TWIST2: variants seen among roughly 807,000 people sequenced by gnomAD.
The protein encoded by TWIST2 is twist family bHLH transcription factor 2.
Under a neutral mutation model 11.6 loss-of-function variants are expected in TWIST2, and 1 was observed. The observed-to-expected ratio is 0.09, with a 90% CI of 0.03 to 0.41. The LOEUF (loss-of-function observed/expected upper bound fraction) is 0.41, where lower values mean the gene tolerates loss of function less well. Among genes scored for constraint, TWIST2 ranks in the 10% least tolerant of loss-of-function variants. TWIST2 has a pLI of 0.98. For missense variants in TWIST2, 168 were observed against 226.4 expected, an observed-to-expected ratio of 0.74 and a Z score of 1.66; for synonymous variants, 87 against 96.6, an observed-to-expected ratio of 0.90 and a Z score of 0.58.
intron 1 of TWIST2, among the ~76,000 whole-genome samples, chr2:238,852,207 T>C (rs1442414291): frequency 6.6e-6 from 1 of 152,226 alleles, no homozygotes; most frequent in East Asian, 1.9e-4. Flanking sequence ...CTCATAACTT[T>C]AGTTTAAATC....
At chr2:238,904,544 C>G in intron 1 of TWIST2, among the ~76,000 whole-genome samples, 1 of 151,912 alleles carries the variant, frequency 6.6e-6, no homozygotes, top group Non-Finnish European at 1.5e-5. Flanking sequence ...CCCTTCTTCC[C>G]TGCCATGCTG....
rs569053701 is a variant in TWIST2 at position 238,867,158 on chromosome 2, G to A, written c.*35+18425G>A. 6.6e-6 allele frequency among the ~76,000 whole-genome samples: 1 copy of A among 152,206 alleles called. No homozygotes were observed. Among genetic ancestry groups the A allele is most frequent in the East Asian group, 1.9e-4 (1 of 5,162 alleles). On this transcript the variant is annotated intron_variant, in intron 1 of 1. Coordinates refer to ENST00000612363, the MANE Select transcript of TWIST2 (RefSeq NM_001271893.4). The surrounding 1 kb of genome is among the most constrained non-coding windows in gnomAD (Gnocchi z 4.8). ...TTTTCCGTCCTCGAAGCCAGCAGCT[G>A]GAGGGAAGGAGGCTGGCTGTAACAT...
chr2:238,892,764 AGCC>A (rs1218525466), intron 1 of TWIST2, among the ~76,000 whole-genome samples: 1 of 152,176 alleles, frequency 6.6e-6, no homozygotes, highest in Non-Finnish European at 1.5e-5. Flanking sequence ...TACAGGTGTG[AGCC>A]GCCGCAACCG....
At chr2:238,895,306 G>A (rs1278716128) in intron 1 of TWIST2, among the ~76,000 whole-genome samples, 3 of 152,260 alleles carry the variant, frequency 2.0e-5, no homozygotes, top group Non-Finnish European at 2.9e-5. Flanking sequence ...GACTTGGGAT[G>A]TCAGGCCCTT....
chr2:238,896,877 G>T (rs1182301028), intron 1 of TWIST2, among the ~76,000 whole-genome samples: 5 of 152,190 alleles, frequency 3.3e-5, no homozygotes, highest in Admixed American at 3.3e-4. Flanking sequence ...TCCACCCGGA[G>T]CCCACAGACA....
chr2:238,907,477 C>G (rs1368295389), intron 1 of TWIST2, among the ~76,000 whole-genome samples: 1 of 152,138 alleles, frequency 6.6e-6, no homozygotes, highest in African/African-American at 2.4e-5. Flanking sequence ...CGGGTTCTTT[C>G]CCCAAGGCGC....
chr2:238,898,064 G>A (rs1057321804), intron 1 of TWIST2, among the ~76,000 whole-genome samples: 12 of 152,214 alleles, frequency 7.9e-5, no homozygotes, highest in Non-Finnish European at 1.3e-4. Flanking sequence ...GCCTGAGACT[G>A]TCTCAAGAGG....
At chr2:238,908,016 C>T (rs1693384959) in intron 1 of TWIST2, among the ~76,000 whole-genome samples, 1 of 150,636 alleles carries the variant, frequency 6.6e-6, no homozygotes, top group African/African-American at 2.4e-5. Context: ...TACACAAACA[C>T]ATACCACACA....
At position 238,863,592 on chromosome 2, in the gene TWIST2, C is replaced by A. The variant is rs1052677242; in HGVS notation, c.*35+14859C>A. ...AGTGTTAGCATCCTCATTTCTTCTG[C>A]CTTTTTTTCACTCCTCTCTACGTAG... On this transcript the variant is annotated intron_variant, in intron 1 of 1. Transcript: ENST00000612363. The surrounding 1 kb of genome is among the most constrained non-coding windows in gnomAD (Gnocchi z 4.7). Among the ~76,000 whole-genome samples, 3 of 152,106 alleles carry A rather than the reference C, an allele frequency of 2.0e-5. No individual in the cohort carries two copies. The highest frequency in any genetic ancestry group is 6.5e-5 in the Admixed American group (1 of 15,274).
In TWIST2 at chr2:238,866,648, C is replaced by T. The variant is rs1157378815; in HGVS notation, c.*35+17915C>T. Among the ~76,000 whole-genome samples, 11 of 152,134 alleles carry T rather than the reference C, an allele frequency of 7.2e-5. No individual in the cohort carries two copies. The East Asian group carries it at 1.9e-3, about 27-fold the overall frequency. ...CTCCAGCCTGGGTGACAGAGCGAGACTCCACCATGGAAAAAAAAAAGAAAA... is the reference window on the plus strand; with the variant it reads ...CTCCAGCCTGGGTGACAGAGCGAGATTCCACCATGGAAAAAAAAAAGAAAA... On this transcript the variant is annotated intron_variant, in intron 1 of 1. Transcript: ENST00000612363. The surrounding 1 kb of genome is among the most constrained non-coding windows in gnomAD (Gnocchi z 4.9).
chr2:238,877,604 A>C (rs1051139876), intron 1 of TWIST2, among the ~76,000 whole-genome samples: 96 of 152,284 alleles, frequency 6.3e-4, no homozygotes, highest in African/African-American at 2.3e-3. Flanking sequence ...TGCTTATGAG[A>C]TCCTTATATA....
chr2:238,884,372 G>A (rs1292081111), intron 1 of TWIST2, among the ~76,000 whole-genome samples: 1 of 152,258 alleles, frequency 6.6e-6, no homozygotes, highest in Non-Finnish European at 1.5e-5. Context: ...AGTGGCACAG[G>A]TGAGGCCGGA....
At chr2:238,870,140 CCCCAT>C (rs1251731046) in intron 1 of TWIST2, among the ~76,000 whole-genome samples, 1 of 140,304 alleles carries the variant, frequency 7.1e-6, no homozygotes, top group Non-Finnish European at 1.5e-5. Context: ...ACACACCACA[CCCCAT>C]ACACACCACA....
In TWIST2 at chr2:238,864,247, T is replaced by C. The variant is rs1385213865; in HGVS notation, c.*35+15514T>C. On this transcript the variant is annotated intron_variant, in intron 1 of 1. Transcript: ENST00000612363. This position sits in a 1 kb window ranked among gnomAD's most constrained non-coding sequence, Gnocchi z 4.7. ...CCGTGGTATCCTCTCTTCTCCACATTACACCCCAAGCACGCGACTGTGAGC... is the reference window on the plus strand; with the variant it reads ...CCGTGGTATCCTCTCTTCTCCACATCACACCCCAAGCACGCGACTGTGAGC... Among the ~76,000 whole-genome samples, 1 of 152,118 alleles carries C rather than the reference T, an allele frequency of 6.6e-6. No individual in the cohort carries two copies. Among genetic ancestry groups the C allele is most frequent in the Non-Finnish European group, 1.5e-5 (1 of 68,030 alleles).
intron 1 of TWIST2, among the ~76,000 whole-genome samples, chr2:238,875,042 G>A (rs1228409465): frequency 6.6e-6 from 1 of 152,204 alleles, no homozygotes; most frequent in Non-Finnish European, 1.5e-5. Context: ...AAGGACAGCA[G>A]AGCAGGCACA....
intron 1 of TWIST2, among the ~76,000 whole-genome samples, chr2:238,895,576 G>A (rs1693196960): frequency 6.6e-6 from 1 of 152,220 alleles, no homozygotes; most frequent in African/African-American, 2.4e-5. Flanking sequence ...CTGCCATCTG[G>A]CTGCTCGTGG....
intron 1 of TWIST2, among the ~76,000 whole-genome samples, chr2:238,852,605 T>G (rs1004767475): frequency 6.6e-6 from 1 of 150,920 alleles, no homozygotes; most frequent in African/African-American, 2.4e-5. Context: ...AAAAAGATAT[T>G]CCACATGGTC....
intron 1 of TWIST2, among the ~76,000 whole-genome samples, chr2:238,869,667 AG>A (rs1280929737): frequency 4.6e-5 from 7 of 152,224 alleles, no homozygotes; most frequent in Non-Finnish European, 7.3e-5. Context: ...CACACCTATG[AG>A]GTTGCCTACT....
At position 238,883,147 on chromosome 2, in the gene TWIST2, C is replaced by T. The variant is rs114307335; in HGVS notation, c.*36-26695C>T. 5.9e-3 allele frequency among the ~76,000 whole-genome samples: 897 copies of T among 152,280 alleles called. 8 individuals are homozygous for T. The highest frequency in any genetic ancestry group is 0.02 in the African/African-American group (828 of 41,542). ...CCTCCATTTTCTGCTTTTTTATTTA[C>T]TTGGGTAGTGCTCGAAGTTCCTTGG... On this transcript the variant is annotated intron_variant, in intron 1 of 1. Transcript: ENST00000612363.
Sources: gnomAD v4.1 joint callset for allele counts (sites outside exome capture counted in the v4.1 genomes callset) on GRCh38, gnomAD v4.1.1 for gene constraint, Gnocchi (gnomAD v3.1) non-coding constraint, MANE v1.5 for transcripts, NCBI Gene and HGNC (gene_info 2026-07-23, HGNC 2026-07-21) for gene names.